Variants in LYRM4 observed in about 807,000 individuals in gnomAD.
The protein encoded by LYRM4 is LYR motif-containing protein 4.
In LYRM4, 9 loss-of-function variants were observed where a neutral mutation model predicts 11.7. The observed-to-expected ratio is 0.77, with a 90% confidence interval of 0.46 to 1.34. LYRM4 has a LOEUF of 1.34. Among genes scored for constraint, LYRM4 ranks in the 40% most tolerant of loss-of-function variants. LYRM4 has a pLI of 0.00. For synonymous variants in LYRM4, 42 were observed against 40.4 expected, an observed-to-expected ratio of 1.04 and a Z score of -0.15; for missense variants, 133 against 112.5, an observed-to-expected ratio of 1.18 and a Z score of -0.82.
intron 2 of LYRM4, among the ~76,000 whole-genome samples, chr6:5,191,261 C>T (rs969465259): frequency 4.6e-5 from 7 of 152,116 alleles, no homozygotes; most frequent in Admixed American, 1.3e-4. Flanking sequence ...AAAGAGGTTA[C>T]GATCCCCAAA....
the LYRM4 span, among the ~76,000 whole-genome samples, chr6:5,061,291 C>A: frequency 6.6e-6 from 1 of 152,154 alleles, no homozygotes; most frequent in African/African-American, 2.4e-5. Context: ...TATTTTCATG[C>A]ACAAACTGTC....
At chr6:5,084,813 G>T in the LYRM4 span, 1 of 152,360 alleles carries the variant, frequency 6.6e-6, no homozygotes, top group South Asian at 2.1e-4. Flanking sequence ...AGGAGCAGAA[G>T]GGAAGGGATG....
intron 2 of LYRM4, among the ~76,000 whole-genome samples, chr6:5,200,002 AC>A (rs1183713334): frequency 1.3e-5 from 2 of 152,248 alleles, no homozygotes; most frequent in African/African-American, 2.4e-5. Flanking sequence ...AAAAAATTTT[AC>A]ATATGTCTTT....
the LYRM4 span, among the ~76,000 whole-genome samples, chr6:5,095,054 C>G: frequency 6.6e-6 from 1 of 152,152 alleles, no homozygotes; most frequent in East Asian, 1.9e-4. Flanking sequence ...ATATGATCAT[C>G]ACACATGTAC....
At chr6:5,077,439 T>C in the LYRM4 span, among the ~76,000 whole-genome samples, 3 of 152,250 alleles carry the variant, frequency 2.0e-5, no homozygotes, top group African/African-American at 7.2e-5. Flanking sequence ...GGTGATGATG[T>C]GGAAGTGGGA....
the LYRM4 span, among the ~76,000 whole-genome samples, chr6:5,065,147 T>G: frequency 6.6e-6 from 1 of 152,332 alleles, no homozygotes; most frequent in East Asian, 1.9e-4. Flanking sequence ...TTCTTTCACT[T>G]AAGTCATATG....
intron 2 of LYRM4, among the ~76,000 whole-genome samples, chr6:5,153,257 A>C (rs566013452): frequency 6.6e-6 from 1 of 152,110 alleles, no homozygotes; most frequent in Admixed American, 6.5e-5. Flanking sequence ...ACGCCTGGCT[A>C]ATTTTTATAT....
chr6:5,032,455 TTTAAAC>T, the LYRM4 span: 1 of 152,248 alleles, frequency 6.6e-6, no homozygotes, highest in African/African-American at 2.4e-5. Flanking sequence ...GACTATTGTT[TTTAAAC>T]TTATTGTTTA....
intron 2 of LYRM4, among the ~76,000 whole-genome samples, chr6:5,164,658 A>G (rs562486472): frequency 6.6e-6 from 1 of 152,186 alleles, no homozygotes; most frequent in South Asian, 2.1e-4. Context: ...TGGGTAGATG[A>G]TATCTTCAGT....
the LYRM4 span, chr6:5,085,792 C>A: frequency 5.2e-6 from 8 of 1,529,918 alleles, no homozygotes; most frequent in South Asian, 1.2e-5. Flanking sequence ...GCAGCAGCAG[C>A]AGCAACAGGC....
At chr6:5,168,585 G>C (rs1245903696) in intron 2 of LYRM4, among the ~76,000 whole-genome samples, 7 of 152,132 alleles carry the variant, frequency 4.6e-5, no homozygotes, top group Non-Finnish European at 2.9e-5. Context: ...CAGATTACAG[G>C]AGATAAAACA....
rs78938510 is a variant in LYRM4, at chr6:5,214,335, C to T, written c.207+2283G>A. Among the ~76,000 whole-genome samples, 917 of 152,228 alleles carry T rather than the reference C, an allele frequency of 6.0e-3. 11 individuals are homozygous for T. Among genetic ancestry groups the T allele is most frequent in the South Asian group, 0.043 (209 of 4,820 alleles). On this transcript the variant is annotated intron_variant, in intron 2 of 2. Coordinates refer to ENST00000330636, the MANE Select transcript of LYRM4 (RefSeq NM_020408.6). ...TACAGGAACATTTGGAGGGACTCCT[C>T]CAGGCAGGTGGTGCACAAGCATTGA...
At chr6:5,128,649 C>A (rs529065142) in intron 2 of LYRM4, among the ~76,000 whole-genome samples, 1 of 152,326 alleles carries the variant, frequency 6.6e-6, no homozygotes, top group South Asian at 2.1e-4. Context: ...CTTTTCCCTC[C>A]TCATAACTAT....
chr6:5,056,413 A>G, the LYRM4 span, among the ~76,000 whole-genome samples: 9 of 152,258 alleles, frequency 5.9e-5, no homozygotes, highest in African/African-American at 1.7e-4. Context: ...GGTAGTTGCA[A>G]TATGGAATCT....
the LYRM4 span, among the ~76,000 whole-genome samples, chr6:5,080,477 GTC>G: frequency 2.0e-4 from 31 of 152,316 alleles, no homozygotes; most frequent in African/African-American, 7.2e-4. Flanking sequence ...TGCAATCTGG[GTC>G]TGGAAGCTGT....
At chr6:5,232,154 G>A (rs1763279567) in intron 1 of LYRM4, among the ~76,000 whole-genome samples, 4 of 152,208 alleles carry the variant, frequency 2.6e-5, no homozygotes, top group Admixed American at 2.6e-4. Context: ...AAAAAAAACT[G>A]TTGAATAATA....
intron 2 of LYRM4, among the ~76,000 whole-genome samples, chr6:5,148,984 T>A (rs965049830): frequency 7.9e-5 from 12 of 152,238 alleles, no homozygotes; most frequent in African/African-American, 2.9e-4. Context: ...GCTTGCTTGA[T>A]ATTTTAAAAC....
intron 1 of LYRM4, among the ~76,000 whole-genome samples, chr6:5,225,761 C>T (rs1301910125): frequency 6.6e-6 from 1 of 152,164 alleles, no homozygotes; most frequent in Non-Finnish European, 1.5e-5. Context: ...AAATATTTTA[C>T]TGGGCAAAAT....
the LYRM4 span, chr6:5,085,644 G>A: frequency 6.5e-7 from 1 of 1,548,844 alleles, no homozygotes; most frequent in African/African-American, 1.4e-5. Context: ...CTGACGCTCA[G>A]CTAGGGGATA....
Sources: gnomAD v4.1 joint callset for allele counts (sites outside exome capture counted in the v4.1 genomes callset) on GRCh38, gnomAD v4.1.1 for gene constraint, MANE v1.5 for transcripts, NCBI Gene and HGNC (gene_info 2026-07-23, HGNC 2026-07-21) for gene names.